HDAC9: variants seen among roughly 807,000 people sequenced by gnomAD.
HDAC9 encodes MEF-2 interacting transcription repressor (MITR) protein.
HDAC9 carries 41 observed loss-of-function variants against 139.4 expected under a neutral mutation model. The ratio of observed to expected loss-of-function variants is 0.29; its 90% CI spans 0.23 to 0.38. The LOEUF is 0.38. Ranked by LOEUF, HDAC9 falls within the 10% of genes least tolerant of loss-of-function variation. The pLI is 1.00. For synonymous variants in HDAC9, 517 were observed against 476.2 expected, an observed-to-expected ratio of 1.09 and a Z score of -1.12; for missense variants, 1,147 against 1,297.0, an observed-to-expected ratio of 0.88 and a Z score of 1.78.
chr7:18,661,113 A>T (rs1332757195), intron 11 of HDAC9, among the ~76,000 whole-genome samples: 1 of 152,154 alleles, frequency 6.6e-6, no homozygotes, highest in Admixed American at 6.5e-5. Context: ...GGAGCACAGT[A>T]GTAGCAGCAG....
chr7:18,605,252 G>A (rs552297861), intron 6 of HDAC9, among the ~76,000 whole-genome samples: 23 of 152,246 alleles, frequency 1.5e-4, no homozygotes, highest in African/African-American at 4.6e-4. Flanking sequence ...ATGGTAAGGC[G>A]TTGGACAGGA....
intron 1 of HDAC9, among the ~76,000 whole-genome samples, chr7:18,113,758 T>G (rs1783784361): frequency 6.6e-6 from 1 of 152,254 alleles, no homozygotes; most frequent in Admixed American, 6.5e-5. Flanking sequence ...AAATTTGCAG[T>G]CCTTATATTT....
intron 11 of HDAC9, among the ~76,000 whole-genome samples, chr7:18,653,924 C>T (rs1790200573): frequency 1.3e-5 from 2 of 152,112 alleles, no homozygotes; most frequent in South Asian, 4.2e-4. Context: ...CCTCCATCCA[C>T]AGTAACCTAA....
In HDAC9 at chr7:18,162,998, A is replaced by C. The variant is rs374087548; in HGVS notation, c.25+649A>C. 2.0e-5 allele frequency among the ~76,000 whole-genome samples: 3 copies of C among 152,188 alleles called. No homozygotes were observed. The East Asian group carries it at 5.8e-4, about 29-fold the overall frequency. On this transcript the variant is annotated intron_variant, in intron 2 of 12. Coordinates refer to the HDAC9 transcript ENST00000417496. ...ATGATGAAGTAGGGTCAGATACCAC[A>C]TACTAGTAACAGACAAGTTTTACAA...
chr7:18,680,138 T>C (rs1288262430), intron 12 of HDAC9, among the ~76,000 whole-genome samples: 3 of 152,004 alleles, frequency 2.0e-5, no homozygotes, highest in Non-Finnish European at 4.4e-5. Context: ...AAAGTATGGA[T>C]ATGTTTAAAA....
intron 1 of HDAC9, among the ~76,000 whole-genome samples, chr7:18,348,627 C>T (rs560707207): frequency 6.6e-6 from 1 of 152,276 alleles, no homozygotes; most frequent in South Asian, 2.1e-4. Context: ...GTGGTTCTTA[C>T]TGGCATCTTT....
Position 18,921,806 on chromosome 7 carries a change from T to C in HDAC9, c.2804-14003T>C, listed in dbSNP as rs533455254. Among the ~76,000 whole-genome samples, 396 of 152,130 alleles carry C rather than the reference T, an allele frequency of 2.6e-3. 9 individuals are homozygous for C. The highest frequency in any genetic ancestry group is 0.024 in the Admixed American group (365 of 15,274). On this transcript the variant is annotated intron_variant, in intron 22 of 25. Coordinates refer to ENST00000686413, the MANE Select transcript of HDAC9 (RefSeq NM_178425.4). ...ATGTTTATTGCGGCACTATTCACAATAGCAAAGACTTGGAACCAACCCAAA... is the reference window on the plus strand; with the variant it reads ...ATGTTTATTGCGGCACTATTCACAACAGCAAAGACTTGGAACCAACCCAAA...
At chr7:18,220,504 GA>G (rs1246728579) in intron 2 of HDAC9, among the ~76,000 whole-genome samples, 1 of 152,116 alleles carries the variant, frequency 6.6e-6, no homozygotes, top group African/African-American at 2.4e-5. Context: ...TCTTGAACTG[GA>G]ATTGAAGAAT....
At chr7:18,727,185 T>C (rs889122654) in intron 12 of HDAC9, among the ~76,000 whole-genome samples, 3 of 152,226 alleles carry the variant, frequency 2.0e-5, no homozygotes, top group African/African-American at 7.2e-5. Flanking sequence ...TCACTGGCAG[T>C]TTGAAAGTGT....
intron 2 of HDAC9, among the ~76,000 whole-genome samples, chr7:18,164,072 C>T (rs1308814867): frequency 1.3e-5 from 2 of 152,136 alleles, no homozygotes; most frequent in Non-Finnish European, 2.9e-5. Context: ...AAAATTTCCT[C>T]GTGTACTTTT....
rs181606576 is a variant in HDAC9, at chr7:18,645,853, C to T, written c.1035+1060C>T. On this transcript the variant is annotated intron_variant, in intron 9 of 25. Transcript: ENST00000686413. ...GTATGTTCAACACATAGTTTCAATGCGTATTTTAAAATCAACCTAAGAGAT... is the reference window on the plus strand; with the variant it reads ...GTATGTTCAACACATAGTTTCAATGTGTATTTTAAAATCAACCTAAGAGAT... 3.5e-3 allele frequency among the ~76,000 whole-genome samples: 526 copies of T among 152,156 alleles called. 1 individual carries two copies. Among genetic ancestry groups the T allele is most frequent in the Middle Eastern group, 6.8e-3 (2 of 294 alleles).
chr7:18,523,449 G>T (rs1193047802), intron 2 of HDAC9, among the ~76,000 whole-genome samples: 1 of 152,208 alleles, frequency 6.6e-6, no homozygotes, highest in Non-Finnish European at 1.5e-5. Context: ...TTCAGAGTCT[G>T]AGATTTCCAC....
chr7:18,854,811 A>G (rs1193915259), intron 21 of HDAC9, among the ~76,000 whole-genome samples: 5 of 152,170 alleles, frequency 3.3e-5, no homozygotes, highest in Admixed American at 6.6e-5. Context: ...TTTTCAATAA[A>G]TGCTAAAATT....
upstream of HDAC9, among the ~76,000 whole-genome samples, chr7:18,491,208 A>C (rs1189812328): frequency 6.6e-6 from 1 of 152,004 alleles, no homozygotes; most frequent in Non-Finnish European, 1.5e-5. Flanking sequence ...GAAAGAAATA[A>C]TAAAACATTC....
At chr7:18,463,417 T>C (rs1303157583) in intron 1 of HDAC9, among the ~76,000 whole-genome samples, 1 of 151,956 alleles carries the variant, frequency 6.6e-6, no homozygotes, top group East Asian at 1.9e-4. Flanking sequence ...TGTTAAAAAT[T>C]GTTTTATGAC....
chr7:18,496,164 G>A, intron 1 of HDAC9, 98 bp from the exon 2 acceptor site: 2 of 1,439,156 alleles, frequency 1.4e-6, no homozygotes, highest in South Asian at 2.4e-5. Context: ...TCCTGGGGCC[G>A]GTGCACTGAG....
At chr7:18,422,600 A>T (rs776363101) in intron 1 of HDAC9, among the ~76,000 whole-genome samples, 11 of 152,068 alleles carry the variant, frequency 7.2e-5, no homozygotes, top group Non-Finnish European at 1.6e-4. Flanking sequence ...AAGGAGGGGG[A>T]AGCCAGGCCT....
chr7:18,886,580 T>A (rs185368077), intron 22 of HDAC9, among the ~76,000 whole-genome samples: 2 of 152,318 alleles, frequency 1.3e-5, no homozygotes, highest in African/African-American at 4.8e-5. Flanking sequence ...GTTACATTTA[T>A]TTTGTGCCAC....
chr7:18,115,403 A>C (rs1455072228), intron 1 of HDAC9, among the ~76,000 whole-genome samples: 1 of 152,238 alleles, frequency 6.6e-6, no homozygotes, highest in Admixed American at 6.5e-5. Context: ...ATTTGTGAGA[A>C]TATTTTTAGA....
Sources: allele counts gnomAD v4.1 joint callset (sites outside exome capture counted in the v4.1 genomes callset), GRCh38; gene constraint gnomAD v4.1.1; transcripts MANE v1.5; gene names NCBI Gene and HGNC (gene_info 2026-07-23, HGNC 2026-07-21).